CLDN14: variants seen among roughly 807,000 people sequenced by gnomAD.
The protein encoded by CLDN14 is claudin-14.
A neutral mutation model predicts 2.1 loss-of-function variants in CLDN14; 2 were observed. The ratio of observed to expected loss-of-function variants is 0.96; its 90% CI spans 0.39 to 3.01. CLDN14 has a LOEUF of 3.01. Ranked by LOEUF, CLDN14 falls within the 30% of genes most tolerant of loss-of-function variation. The pLI, the probability that CLDN14 is intolerant of heterozygous loss-of-function variation, is 0.09. For synonymous variants in CLDN14, 136 were observed against 154.4 expected, an observed-to-expected ratio of 0.88 and a Z score of 0.88; for missense variants, 298 against 328.0, an observed-to-expected ratio of 0.91 and a Z score of 0.71.
At chr21:36,485,000 C>CCATGTCTGGCTAATTTTTGTATTTT (rs1450841786), upstream of CLDN14, among the ~76,000 whole-genome samples, 123 of 151,730 alleles carry the variant, frequency 8.1e-4, 1 homozygote, top group Middle Eastern at 3.4e-3. Flanking sequence ...GCATGAGCCA[C>CCATGTCTGGCTAATTTTTGTATTTT]TGTACTGGGC....
At chr21:36,465,485 C>T (rs1223341644) in intron 1 of CLDN14, among the ~76,000 whole-genome samples, 1 of 152,250 alleles carries the variant, frequency 6.6e-6, no homozygotes, top group African/African-American at 2.4e-5. Context: ...ACCTGCTTTC[C>T]TTCTTCCTTA....
chr21:36,467,796 A>G (rs2086664749), intron 1 of CLDN14, among the ~76,000 whole-genome samples: 1 of 152,086 alleles, frequency 6.6e-6, no homozygotes, highest in Non-Finnish European at 1.5e-5. Context: ...AAGCTTTCCT[A>G]TGGACACACA....
Position 36,499,185 on chromosome 21 carries a change from C to G in CLDN14, c.-82+11178G>C, listed in dbSNP as rs533265842. ...TCGGTTTTGTGGGGGCAATGAACCC[C>G]GCAACTGCGGGAAACTGACCTTCAG... On this transcript the variant is annotated intron_variant, in intron 2 of 2. Transcript: ENST00000342108. The surrounding 1 kb of genome is among the most constrained non-coding windows in gnomAD (Gnocchi z 4.7). 6.6e-6 allele frequency among the ~76,000 whole-genome samples: 1 copy of G among 152,204 alleles called. No homozygotes were observed. Among genetic ancestry groups the G allele is most frequent in the African/African-American group, 2.4e-5 (1 of 41,446 alleles).
At chr21:36,537,751 G>A (rs2087438786) in intron 1 of CLDN14, among the ~76,000 whole-genome samples, 1 of 150,810 alleles carries the variant, frequency 6.6e-6, no homozygotes, top group African/African-American at 2.4e-5. Flanking sequence ...CTGGGTTCAA[G>A]CAATTCCCCT....
At chr21:36,565,876 T>TAC (rs1451507329) in intron 1 of CLDN14, among the ~76,000 whole-genome samples, 8 of 152,220 alleles carry the variant, frequency 5.3e-5, no homozygotes, top group African/African-American at 1.9e-4. Context: ...TCACAAGCTG[T>TAC]CATAAGTTGA....
chr21:36,469,975 C>CA (rs2086690004), intron 1 of CLDN14, among the ~76,000 whole-genome samples: 1 of 151,776 alleles, frequency 6.6e-6, no homozygotes, highest in African/African-American at 2.4e-5. Context: ...TTTCAAGGTG[C>CA]AGGTCATTAA....
At chr21:36,562,353 C>T (rs1332141650) in intron 1 of CLDN14, among the ~76,000 whole-genome samples, 3 of 152,120 alleles carry the variant, frequency 2.0e-5, no homozygotes, top group African/African-American at 7.2e-5. Context: ...TAGGCTACAG[C>T]CAAGAGATGG....
chr21:36,553,010 C>T (rs191434417), intron 1 of CLDN14, among the ~76,000 whole-genome samples: 5 of 152,326 alleles, frequency 3.3e-5, no homozygotes, highest in African/African-American at 9.6e-5. Flanking sequence ...CCAGGTTTCC[C>T]GCCACCTAGG....
chr21:36,534,954 G>C (rs2087412564), intron 1 of CLDN14, among the ~76,000 whole-genome samples: 1 of 152,214 alleles, frequency 6.6e-6, no homozygotes, highest in Non-Finnish European at 1.5e-5. Context: ...GCAAGCCATT[G>C]ATCTTATTGT....
intron 1 of CLDN14, among the ~76,000 whole-genome samples, chr21:36,572,781 T>G (rs1344516957): frequency 6.6e-6 from 1 of 152,196 alleles, no homozygotes; most frequent in East Asian, 1.9e-4. Context: ...AAACTAAGCT[T>G]TAGTTTCCTT....
chr21:36,567,740 CTCAAATCCCAGGGG>C (rs2087683516), intron 1 of CLDN14, among the ~76,000 whole-genome samples: 1 of 152,180 alleles, frequency 6.6e-6, no homozygotes, highest in Non-Finnish European at 1.5e-5. Flanking sequence ...CTCCATTCAC[CTCAAATCCCAGGGG>C]TCTGAGCAAA....
At position 36,461,036 on chromosome 21, in the gene CLDN14, A is replaced by G; in HGVS notation, c.660T>C (p.Asn220=). 1 of 1,613,578 alleles carries G rather than the reference A, an allele frequency of 6.2e-7. No homozygotes were observed. Among genetic ancestry groups the G allele is most frequent in the South Asian group, 1.1e-5 (1 of 91,064 alleles). Reference sequence around the variant, plus strand: ...TGGCCGAGGTCACTGAGGGGGCCCGATTGTCTTTGTAGGCAGCTGGTGGCT... The same window carrying G: ...TGGCCGAGGTCACTGAGGGGGCCCGGTTGTCTTTGTAGGCAGCTGGTGGCT... ...AYQPPAAYKD[N]RAPSVTSATH... is the part of the protein sequence containing the mutation. The change falls in exon 2 of 2, where the codon AAT becomes AAC. Residue 220 remains asparagine, a synonymous_variant. Coordinates refer to ENST00000399135, the MANE Select transcript of CLDN14 (RefSeq NM_001146079.2).
intron 2 of CLDN14, among the ~76,000 whole-genome samples, chr21:36,491,141 C>T (rs1021668590): frequency 1.3e-4 from 20 of 152,158 alleles, no homozygotes; most frequent in African/African-American, 1.9e-4. Flanking sequence ...CATGAGTCAA[C>T]GGTTCAACCC....
chr21:36,523,653 C>T (rs975175461), intron 1 of CLDN14, among the ~76,000 whole-genome samples: 2 of 149,764 alleles, frequency 1.3e-5, no homozygotes, highest in Admixed American at 6.7e-5. Flanking sequence ...GAGGCTAAGG[C>T]AGGAGAATCG....
chr21:36,509,810 A>G (rs2087169227), intron 2 of CLDN14, among the ~76,000 whole-genome samples: 1 of 152,070 alleles, frequency 6.6e-6, no homozygotes, highest in South Asian at 2.1e-4. Flanking sequence ...TGACCAGGCT[A>G]GTCTCGAACT....
intron 2 of CLDN14, chr21:36,486,904 G>A (rs1440630326): frequency 3.1e-6 from 2 of 639,688 alleles, no homozygotes; most frequent in Non-Finnish European, 5.9e-6. Context: ...GGTGTCTAGA[G>A]TGAGTGTGGT....
In CLDN14 at chr21:36,571,955, G is replaced by A. The variant is rs542489427; in HGVS notation, c.-220+4456C>T. On this transcript the variant is annotated intron_variant, in intron 1 of 2. Coordinates refer to the CLDN14 transcript ENST00000342108. ...AACTAAGAAAAATCCAAAAAGGATA[G>A]AGTTCAACTGAGTCATTGCAAGCCC... Among the ~76,000 whole-genome samples the A allele has an allele frequency of 3.9e-5, 6 of 152,284 alleles. No individual in the cohort carries two copies. In the South Asian group the frequency reaches 1.2e-3, roughly 32 times the overall value.
upstream of CLDN14, among the ~76,000 whole-genome samples, chr21:36,482,939 C>T (rs560278162): frequency 3.3e-5 from 5 of 152,314 alleles, no homozygotes; most frequent in Middle Eastern, 3.4e-3. Flanking sequence ...AAGCATATTA[C>T]GTCTATTTAC....
chr21:36,530,779 T>A lies in CLDN14; in HGVS notation c.-219-20279A>T, dbSNP rs377267894. ...GTGTTTCAGATGTACCCGGGGGAGT[T>A]TGGGAGGGAGATGGGAAATGAGGAG... is the stretch of plus-strand genomic sequence containing the variant. On this transcript the variant is annotated intron_variant, in intron 1 of 2. Transcript: ENST00000342108. Among the ~76,000 whole-genome samples the A allele has an allele frequency of 5.2e-4, 78 of 151,376 alleles. No homozygotes were observed. In the Middle Eastern group the frequency reaches 0.017, roughly 33 times the overall value.
Sources: gnomAD v4.1 joint callset for allele counts (sites outside exome capture counted in the v4.1 genomes callset) on GRCh38, gnomAD v4.1.1 for gene constraint, Gnocchi (gnomAD v3.1) non-coding constraint, MANE v1.5 for transcripts, NCBI Gene and HGNC (gene_info 2026-07-23, HGNC 2026-07-21) for gene names.